Variants in RASA1 observed in about 807,000 individuals in gnomAD.
RASA1 encodes the protein RAS p21 protein activator 1.
A neutral mutation model predicts 132.2 loss-of-function variants in RASA1; 25 were observed. The ratio of observed to expected loss-of-function variants is 0.19; its 90% CI spans 0.14 to 0.26. RASA1 has a LOEUF of 0.26. Among genes scored for constraint, RASA1 ranks in the 10% least tolerant of loss-of-function variants. RASA1 has a pLI of 1.00. For synonymous variants in RASA1, 477 were observed against 449.9 expected (o/e 1.06, Z -0.76); for missense variants, 964 against 1,299.2 (o/e 0.74, Z 3.97).
At chr5:87,323,163 G>A (rs903883931) in intron 1 of RASA1, among the ~76,000 whole-genome samples, 11 of 152,270 alleles carry the variant, frequency 7.2e-5, no homozygotes, top group African/African-American at 2.2e-4. Context: ...GAAAAGGCAC[G>A]TAGAAAATGC....
intron 4 of RASA1, among the ~76,000 whole-genome samples, chr5:87,336,958 A>G (rs933908824): frequency 6.6e-6 from 1 of 152,090 alleles, no homozygotes; most frequent in Non-Finnish European, 1.5e-5. Context: ...CCAAGATACA[A>G]TGAAGCTTGA....
At chr5:87,288,036 T>TATATATACCATATATACACAC (rs1754748461) in intron 1 of RASA1, among the ~76,000 whole-genome samples, 1 of 4,700 alleles carries the variant, frequency 2.1e-4, no homozygotes, top group African/African-American at 8.6e-4. Flanking sequence ...CATATATATA[T>TATATATACCATATATACACAC]ACCATATATA....
At chr5:87,353,061 T>C in intron 8 of RASA1, 96 bp from the exon 9 acceptor site, 1 of 893,032 alleles carries the variant, frequency 1.1e-6, no homozygotes. Flanking sequence ...AAAAATTTGC[T>C]AATTAGATAA....
chr5:87,386,116 T>C (rs1017852323), intron 22 of RASA1, among the ~76,000 whole-genome samples: 1 of 152,200 alleles, frequency 6.6e-6, no homozygotes, highest in East Asian at 1.9e-4. Context: ...TACTTTTTTC[T>C]TTTTTGCCAA....
At chr5:87,273,719 A>G (rs1485870345) in intron 1 of RASA1, among the ~76,000 whole-genome samples, 2 of 139,128 alleles carry the variant, frequency 1.4e-5, no homozygotes, top group African/African-American at 2.7e-5. Flanking sequence ...TTTTTTTGAG[A>G]TGGAGTCTTG....
intron 1 of RASA1, among the ~76,000 whole-genome samples, chr5:87,311,356 G>C (rs1212068378): frequency 3.3e-5 from 5 of 152,082 alleles, no homozygotes; most frequent in Admixed American, 1.3e-4. Flanking sequence ...TGACTTTGAG[G>C]GTTTCCCAAA....
Position 87,268,277 on chromosome 5 carries a change from TG to T in RASA1, c.-172del. The T allele has an allele frequency of 2.1e-6, 2 of 956,234 alleles. No homozygotes were observed. Among genetic ancestry groups the T allele is most frequent in the Non-Finnish European group, 3.0e-6 (2 of 667,344 alleles). The allele number at this position is 956,234 out of a possible 1,614,324, so 59.2% of individuals were successfully genotyped here. A position where few individuals can be genotyped will look rare whatever the true frequency, so the allele number is the denominator to read the frequency against. The stretch of plus-strand genomic sequence containing the variant: ...CCGTAACCCAGGCAGCTGGGGAGCC[TG>T]GGCTGTGGCCCTAGGAGGGGGCGCG... On this transcript the variant is annotated 5_prime_UTR_variant, in exon 1 of 25. Transcript: ENST00000274376.
At chr5:87,342,787 G>C (rs1166923601) in intron 6 of RASA1, among the ~76,000 whole-genome samples, 1 of 152,060 alleles carries the variant, frequency 6.6e-6, no homozygotes, top group African/African-American at 2.4e-5. Flanking sequence ...TGTGAGTCTA[G>C]TGTTGTTAGA....
At chr5:87,322,980 C>T (rs1422574531) in intron 1 of RASA1, among the ~76,000 whole-genome samples, 1 of 152,108 alleles carries the variant, frequency 6.6e-6, no homozygotes, top group African/African-American at 2.4e-5. Context: ...ATATATTCAC[C>T]TTAAGGTGAA....
At chr5:87,298,694 TTTG>T (rs1340546760) in intron 1 of RASA1, among the ~76,000 whole-genome samples, 1 of 152,180 alleles carries the variant, frequency 6.6e-6, no homozygotes, top group Admixed American at 6.6e-5. Flanking sequence ...GGTTGGATTT[TTTG>T]TTTTTACCCT....
intron 9 of RASA1, among the ~76,000 whole-genome samples, chr5:87,359,931 G>A (rs190805086): frequency 8.5e-5 from 13 of 152,094 alleles, no homozygotes; most frequent in African/African-American, 2.9e-4. Context: ...TTCACCCTTC[G>A]TGCACAGACC....
intron 1 of RASA1, among the ~76,000 whole-genome samples, chr5:87,279,881 G>GA (rs1441994557): frequency 6.6e-6 from 1 of 152,148 alleles, no homozygotes; most frequent in East Asian, 1.9e-4. Flanking sequence ...GCTAGCCAAT[G>GA]AAAAAAGCTG....
At chr5:87,325,503 G>A (rs993746831) in intron 1 of RASA1, among the ~76,000 whole-genome samples, 2 of 152,208 alleles carry the variant, frequency 1.3e-5, no homozygotes, top group Non-Finnish European at 2.9e-5. Flanking sequence ...TTAGCATTTT[G>A]AGGCTTGTAG....
intron 9 of RASA1, among the ~76,000 whole-genome samples, chr5:87,361,711 G>C (rs1336787403): frequency 3.3e-5 from 5 of 152,086 alleles, no homozygotes; most frequent in Non-Finnish European, 7.4e-5. Context: ...AAAAATCATA[G>C]CATTATGCAA....
intron 9 of RASA1, among the ~76,000 whole-genome samples, chr5:87,360,344 G>T (rs867157261): frequency 6.6e-6 from 1 of 151,938 alleles, no homozygotes; most frequent in Non-Finnish European, 1.5e-5. Context: ...CAGGCTGGGC[G>T]AACTCCTGAC....
At chr5:87,358,272 A>G (rs1759803129) in intron 9 of RASA1, among the ~76,000 whole-genome samples, 1 of 152,200 alleles carries the variant, frequency 6.6e-6, no homozygotes, top group African/African-American at 2.4e-5. Flanking sequence ...AATATACCCC[A>G]TAATAAAAAT....
chr5:87,290,663 G>T (rs149663783), intron 1 of RASA1, among the ~76,000 whole-genome samples: 2 of 151,996 alleles, frequency 1.3e-5, no homozygotes, highest in African/African-American at 4.8e-5. Context: ...TTCCCCCTTA[G>T]CCCCTGTCAG....
At chr5:87,384,785 T>C (rs946942170) in intron 21 of RASA1, among the ~76,000 whole-genome samples, 35 of 152,136 alleles carry the variant, frequency 2.3e-4, no homozygotes, top group African/African-American at 8.2e-4. Context: ...TAAAATATTT[T>C]AAAAGTTTAT....
intron 1 of RASA1, among the ~76,000 whole-genome samples, chr5:87,328,969 T>C (rs1249065741): frequency 1.6e-5 from 1 of 63,058 alleles, no homozygotes; most frequent in Non-Finnish European, 4.2e-5. Context: ...GGCTGGATAA[T>C]TTAATTGCAG....
Sources: gnomAD v4.1 joint callset for allele counts (sites outside exome capture counted in the v4.1 genomes callset) on GRCh38, gnomAD v4.1.1 for gene constraint, MANE v1.5 for transcripts, NCBI Gene and HGNC (gene_info 2026-07-23, HGNC 2026-07-21) for gene names.